PCDHGA1: variants seen among roughly 807,000 people sequenced by gnomAD.
The protein encoded by PCDHGA1 is protocadherin gamma subfamily A, 1, also known as protocadherin gamma-A1.
Under a neutral mutation model 58.0 loss-of-function variants are expected in PCDHGA1, and 32 were observed. The observed-to-expected ratio is 0.55, with a 90% confidence interval of 0.42 to 0.74. PCDHGA1 has a LOEUF of 0.74. Ranked by LOEUF, PCDHGA1 falls within the 30% of genes least tolerant of loss-of-function variation. The pLI, the probability that PCDHGA1 is intolerant of heterozygous loss-of-function variation, is 0.00. For missense variants in PCDHGA1, 1,205 were observed against 1,182.3 expected (o/e 1.02, Z -0.28); for synonymous variants, 498 against 501.1 (o/e 0.99, Z 0.08).
intron 1 of PCDHGA1, among the ~76,000 whole-genome samples, chr5:141,401,424 T>G (rs1408860840): frequency 6.6e-6 from 1 of 152,170 alleles, no homozygotes; most frequent in Non-Finnish European, 1.5e-5. Flanking sequence ...AGAGACTGAT[T>G]CACTGAACTT....
At chr5:141,427,371 G>A (rs772247790) in intron 1 of PCDHGA1, 3 of 458,018 alleles carry the variant, frequency 6.5e-6, no homozygotes, top group East Asian at 6.9e-5. Context: ...ACCCTGGACG[G>A]TGATCACTCT....
intron 1 of PCDHGA1, chr5:141,352,652 CCTT>C: frequency 6.2e-7 from 1 of 1,601,014 alleles, no homozygotes; most frequent in Non-Finnish European, 8.5e-7. Context: ...CGCTTATGAC[CCTT>C]CTTTGTCTTC....
chr5:141,480,390 T>C (rs753766736), intron 1 of PCDHGA1, among the ~76,000 whole-genome samples: 14 of 151,350 alleles, frequency 9.3e-5, no homozygotes, highest in Non-Finnish European at 1.9e-4. Flanking sequence ...ACTTCAACCA[T>C]GGCAATAGAG....
Position 141,398,834 on chromosome 5 carries a change from A to G in PCDHGA1, c.2421+65729A>G, listed in dbSNP as rs201953825. On this transcript the variant is annotated intron_variant, in intron 1 of 3. Transcript: ENST00000517417. Reference sequence around the variant, plus strand: ...CTCCGGATCCAGGTAACCGACGCCAATGATAATCCCCCGGTATTCAACCGA... The same window carrying G: ...CTCCGGATCCAGGTAACCGACGCCAGTGATAATCCCCCGGTATTCAACCGA... The G allele has an allele frequency of 3.9e-4, 623 of 1,614,014 alleles. 4 individuals are homozygous for G. In the South Asian group the frequency reaches 4.2e-3, roughly 11 times the overall value.
chr5:141,479,342 G>A (rs926832955), intron 1 of PCDHGA1: 1 of 152,486 alleles, frequency 6.6e-6, no homozygotes, highest in Admixed American at 6.5e-5. Flanking sequence ...TGCACCTGTA[G>A]TTCTTGCTGC....
At chr5:141,458,899 T>A (rs1398965632) in intron 1 of PCDHGA1, among the ~76,000 whole-genome samples, 2 of 152,106 alleles carry the variant, frequency 1.3e-5, no homozygotes, top group African/African-American at 2.4e-5. Context: ...GCGCAGCTAA[T>A]TTTTTCTATT....
intron 1 of PCDHGA1, chr5:141,390,211 A>C (rs2092083901): frequency 6.2e-7 from 1 of 1,613,936 alleles, no homozygotes. Context: ...TCAGGACAAG[A>C]CATACTTTGC....
intron 1 of PCDHGA1, chr5:141,365,543 T>G: frequency 6.2e-7 from 1 of 1,613,830 alleles, no homozygotes; most frequent in Non-Finnish European, 8.5e-7. Context: ...CTATCACCTA[T>G]TAACAACTAG....
intron 1 of PCDHGA1, chr5:141,340,872 A>G (rs1161493111): frequency 5.0e-6 from 8 of 1,613,490 alleles, no homozygotes; most frequent in Non-Finnish European, 4.2e-6. Context: ...GCCCTGCTGG[A>G]CAGAGACGCG....
At position 141,352,718 on chromosome 5, in the gene PCDHGA1, G is replaced by A. The variant is rs374695634; in HGVS notation, c.2421+19613G>A. ...AATTTTATATATGGCGGCCGGGCGC[G>A]GTGGCTCAAGCCTGTAATCCCAGCA... On this transcript the variant is annotated intron_variant, in intron 1 of 3. Coordinates refer to ENST00000517417, the MANE Select transcript of PCDHGA1 (RefSeq NM_018912.3). 1.2e-5 allele frequency: 18 copies of A among 1,536,310 alleles called. No homozygotes were observed. In the African/African-American group the frequency reaches 1.2e-4, roughly 11 times the overall value.
chr5:141,478,040 C>G (rs773058963), intron 1 of PCDHGA1: 1 of 1,614,160 alleles, frequency 6.2e-7, no homozygotes, highest in Non-Finnish European at 8.5e-7. Context: ...TTCACCCAGG[C>G]AGACTCTCAC....
intron 1 of PCDHGA1, chr5:141,360,312 GGACTTGCCAGCCCGGAAGC>G: frequency 6.2e-7 from 1 of 1,613,976 alleles, no homozygotes; most frequent in Non-Finnish European, 8.5e-7. Context: ...TCAGCGTCCG[GGACTTGCCAGCCCGGAAGC>G]TGCGGGTTAG....
Position 141,476,852 on chromosome 5 carries a change from C to T in PCDHGA1, c.2422-17955C>T. 6.2e-7 allele frequency: 1 copy of T among 1,613,828 alleles called. No homozygotes were observed. Among genetic ancestry groups the T allele is most frequent in the Non-Finnish European group, 8.5e-7 (1 of 1,180,044 alleles). ...GAATGACAATGCGCCTGTCTTCAAC[C>T]AGTCCTTGTACCGGGCGCGCGTCCT... On this transcript the variant is annotated intron_variant, in intron 1 of 3. Coordinates refer to ENST00000517417, the MANE Select transcript of PCDHGA1 (RefSeq NM_018912.3). This position sits in a 1 kb window ranked among gnomAD's most constrained non-coding sequence, Gnocchi z 7.6.
In PCDHGA1 at chr5:141,485,974, A is replaced by G. The variant is rs755735500; in HGVS notation, c.2422-8833A>G. 1.9e-6 allele frequency: 3 copies of G among 1,614,108 alleles called. No homozygotes were observed. The highest frequency in any genetic ancestry group is 1.7e-5 in the Admixed American group (1 of 60,014). On this transcript the variant is annotated intron_variant, in intron 1 of 3. Coordinates refer to ENST00000517417, the MANE Select transcript of PCDHGA1 (RefSeq NM_018912.3). This position sits in a 1 kb window ranked among gnomAD's most constrained non-coding sequence, Gnocchi z 5.7. ...TGGTGCTCATCCAGCTCAATGCCTC[A>G]GACCCGGACCTGGGTCCCAGTGGTA...
At chr5:141,355,818 G>T in intron 1 of PCDHGA1, 1 of 1,613,008 alleles carries the variant, frequency 6.2e-7, no homozygotes, top group Non-Finnish European at 8.5e-7. Context: ...AGGAAGAGGC[G>T]GTTCACCACC....
At chr5:141,505,804 G>A (rs554534524) in intron 3 of PCDHGA1, among the ~76,000 whole-genome samples, 13 of 152,240 alleles carry the variant, frequency 8.5e-5, no homozygotes, top group Admixed American at 3.3e-4. Context: ...GACTTGGATC[G>A]ACTTGCTCAA....
chr5:141,496,916 T>C (rs1252437822), intron 2 of PCDHGA1, among the ~76,000 whole-genome samples: 4 of 148,274 alleles, frequency 2.7e-5, no homozygotes, highest in African/African-American at 9.9e-5. Context: ...CTGGGCACTG[T>C]GGTTCACGCC....
Position 141,511,334 on chromosome 5 carries a change from C to A in PCDHGA1, c.*161C>A. 7.0e-7 allele frequency: 1 copy of A among 1,438,700 alleles called. No homozygotes were observed. Among genetic ancestry groups the A allele is most frequent in the Non-Finnish European group, 9.2e-7 (1 of 1,083,314 alleles). 89.1% of individuals were successfully genotyped at this position (1,438,700 alleles called of 1,614,324 possible). On this transcript the variant is annotated 3_prime_UTR_variant, in exon 4 of 4. Coordinates refer to ENST00000517417, the MANE Select transcript of PCDHGA1 (RefSeq NM_018912.3). ...GAAACAGAAACAAGTGCCCAGTCAG[C>A]ACCTACCCCTTCCCCCCCAGGGGGT...
At chr5:141,449,101 G>T (rs1020443363) in intron 1 of PCDHGA1, among the ~76,000 whole-genome samples, 3 of 152,144 alleles carry the variant, frequency 2.0e-5, no homozygotes, top group Non-Finnish European at 4.4e-5. Flanking sequence ...TACATATGCA[G>T]TATATCTTTG....
Sources: allele counts gnomAD v4.1 joint callset (sites outside exome capture counted in the v4.1 genomes callset), GRCh38; gene constraint gnomAD v4.1.1; non-coding constraint Gnocchi (gnomAD v3.1); transcripts MANE v1.5; gene names NCBI Gene and HGNC (gene_info 2026-07-23, HGNC 2026-07-21).